CCBE1: variants seen among roughly 807,000 people sequenced by gnomAD.
CCBE1 encodes collagen and calcium-binding EGF domain-containing protein 1.
In CCBE1, 37 loss-of-function variants were observed where a neutral mutation model predicts 50.0. The ratio of observed to expected loss-of-function variants is 0.74; its 90% CI spans 0.57 to 0.97. The LOEUF (loss-of-function observed/expected upper bound fraction) is 0.97. Among genes scored for constraint, CCBE1 ranks in the 50% least tolerant of loss-of-function variants. The pLI is 0.00. For missense variants in CCBE1, 538 were observed against 523.8 expected (o/e 1.03, Z -0.26); for synonymous variants, 234 against 203.7 (o/e 1.15, Z -1.27).
At chr18:59,509,767 G>T (rs1015893782) in intron 2 of CCBE1, among the ~76,000 whole-genome samples, 1 of 152,174 alleles carries the variant, frequency 6.6e-6, no homozygotes, top group Non-Finnish European at 1.5e-5. Flanking sequence ...GAAATCCAGA[G>T]GGCTTCTTCC....
At position 59,697,361 on chromosome 18, in the gene CCBE1, C is replaced by CA; in HGVS notation, c.-20_-19insT. 1 of 1,543,650 alleles carries CA rather than the reference C, an allele frequency of 6.5e-7. No individual in the cohort carries two copies. Among genetic ancestry groups the CA allele is most frequent in the Non-Finnish European group, 8.7e-7 (1 of 1,146,164 alleles). On this transcript the variant is annotated 5_prime_UTR_variant, in exon 1 of 11. It adds an upstream start codon to the 5' untranslated region. Transcript: ENST00000439986. ...GCACCATCAGGGAAGCTCCCGGCTT[C>CA]TTCCCAGCGCCGAGCTCCGTCCGGA...
chr18:59,630,729 A>G (rs1461598404), intron 2 of CCBE1, among the ~76,000 whole-genome samples: 1 of 152,216 alleles, frequency 6.6e-6, no homozygotes, highest in Admixed American at 6.5e-5. Flanking sequence ...AAGGGTCCCA[A>G]TGAACAAGGC....
At chr18:59,485,836 G>A (rs1157934521) in intron 2 of CCBE1, among the ~76,000 whole-genome samples, 3 of 151,710 alleles carry the variant, frequency 2.0e-5, no homozygotes, top group African/African-American at 7.3e-5. Flanking sequence ...CCTGACCTCA[G>A]GTGATCCGCC....
chr18:59,675,752 TTC>T (rs1220305484), intron 2 of CCBE1, among the ~76,000 whole-genome samples: 8 of 152,158 alleles, frequency 5.3e-5, no homozygotes, highest in African/African-American at 9.7e-5. Context: ...TCAAAATACT[TTC>T]TGAGAGTCTA....
At chr18:59,660,742 G>A (rs947982893) in intron 2 of CCBE1, among the ~76,000 whole-genome samples, 1 of 151,920 alleles carries the variant, frequency 6.6e-6, no homozygotes, top group Non-Finnish European at 1.5e-5. Context: ...TTTTAAATAT[G>A]ATATAAAGTA....
intron 2 of CCBE1, among the ~76,000 whole-genome samples, chr18:59,632,035 C>T (rs765700880): frequency 3.3e-5 from 5 of 152,194 alleles, no homozygotes; most frequent in Non-Finnish European, 7.3e-5. Context: ...GAAGCCAAGA[C>T]CAACCTGCAA....
chr18:59,533,893 CG>C (rs1461386250), intron 2 of CCBE1, among the ~76,000 whole-genome samples: 2 of 152,120 alleles, frequency 1.3e-5, no homozygotes, highest in Non-Finnish European at 2.9e-5. Context: ...CACATTTATC[CG>C]TTTATCTAAA....
chr18:59,647,678 C>T (rs548051244), intron 2 of CCBE1, among the ~76,000 whole-genome samples: 26 of 152,264 alleles, frequency 1.7e-4, no homozygotes, highest in African/African-American at 6.3e-4. Context: ...TAATTACCTC[C>T]AATTTATCAA....
At chr18:59,630,794 T>C (rs1398350508) in intron 2 of CCBE1, among the ~76,000 whole-genome samples, 1 of 152,216 alleles carries the variant, frequency 6.6e-6, no homozygotes, top group Non-Finnish European at 1.5e-5. Flanking sequence ...ACCTACACAA[T>C]GTATCTTTGA....
intron 2 of CCBE1, among the ~76,000 whole-genome samples, chr18:59,569,703 T>G (rs943178807): frequency 7.3e-5 from 11 of 151,588 alleles, no homozygotes; most frequent in Non-Finnish European, 1.6e-4. Flanking sequence ...CAATCAATCA[T>G]AGCCTACTGC....
chr18:59,643,895 A>C (rs531333318), intron 2 of CCBE1, among the ~76,000 whole-genome samples: 2 of 152,236 alleles, frequency 1.3e-5, no homozygotes, highest in South Asian at 4.2e-4. Flanking sequence ...TTAACATGCA[A>C]ATATCTACCA....
intron 2 of CCBE1, among the ~76,000 whole-genome samples, chr18:59,516,933 A>G (rs534287993): frequency 6.6e-6 from 1 of 152,188 alleles, no homozygotes; most frequent in Non-Finnish European, 1.5e-5. Flanking sequence ...CTTTCTTATC[A>G]CTATCTCCAG....
intron 2 of CCBE1, among the ~76,000 whole-genome samples, chr18:59,527,322 A>C (rs1048642955): frequency 6.6e-6 from 1 of 151,896 alleles, no homozygotes; most frequent in Non-Finnish European, 1.5e-5. Flanking sequence ...TAGGATTGCA[A>C]CCCTGTTCTT....
intron 2 of CCBE1, among the ~76,000 whole-genome samples, chr18:59,616,649 C>T (rs988935207): frequency 2.0e-5 from 3 of 152,148 alleles, no homozygotes; most frequent in East Asian, 3.9e-4. Flanking sequence ...TTATGCTTCT[C>T]CCCCTACAAG....
At chr18:59,602,328 G>C (rs2053443817) in intron 2 of CCBE1, among the ~76,000 whole-genome samples, 1 of 152,072 alleles carries the variant, frequency 6.6e-6, no homozygotes, top group Non-Finnish European at 1.5e-5. Flanking sequence ...TCAGAAGAGA[G>C]ATCATGAAGT....
intron 5 of CCBE1, chr18:59,459,001 T>C (rs1203696118): frequency 6.6e-6 from 1 of 152,216 alleles, no homozygotes; most frequent in Non-Finnish European, 1.5e-5. Flanking sequence ...GGACAAGTCA[T>C]GGTTTCTGTG....
At chr18:59,498,624 G>A (rs1202975818) in intron 2 of CCBE1, among the ~76,000 whole-genome samples, 1 of 152,192 alleles carries the variant, frequency 6.6e-6, no homozygotes, top group Non-Finnish European at 1.5e-5. Context: ...GTAAGAAAAT[G>A]TTTCATAAAC....
At chr18:59,548,473 G>C (rs1915793341) in intron 2 of CCBE1, among the ~76,000 whole-genome samples, 1 of 152,118 alleles carries the variant, frequency 6.6e-6, no homozygotes, top group African/African-American at 2.4e-5. Context: ...TTCCTTTCAA[G>C]AACAAGAACA....
At chr18:59,588,000 G>A (rs1251604847) in intron 2 of CCBE1, among the ~76,000 whole-genome samples, 2 of 152,044 alleles carry the variant, frequency 1.3e-5, no homozygotes, top group East Asian at 1.9e-4. Flanking sequence ...AGAAGAAATC[G>A]GATCCTGATA....
Sources: allele counts gnomAD v4.1 joint callset (sites outside exome capture counted in the v4.1 genomes callset), GRCh38; gene constraint gnomAD v4.1.1; transcripts MANE v1.5; gene names NCBI Gene and HGNC (gene_info 2026-07-23, HGNC 2026-07-21).